TGFB2: variants seen among roughly 807,000 people sequenced by gnomAD.
TGFB2 encodes the protein transforming growth factor beta-2 proprotein.
TGFB2 carries 13 observed loss-of-function variants against 42.7 expected under a neutral mutation model. The observed-to-expected ratio is 0.30, with a 90% CI of 0.20 to 0.48. The LOEUF (loss-of-function observed/expected upper bound fraction) is 0.48, where lower values mean the gene tolerates loss of function less well. Among genes scored for constraint, TGFB2 ranks in the 20% least tolerant of loss-of-function variants. TGFB2 has a pLI of 0.99. For missense variants in TGFB2, 390 were observed against 517.5 expected, an observed-to-expected ratio of 0.75 and a Z score of 2.39; for synonymous variants, 193 against 193.6, an observed-to-expected ratio of 1.00 and a Z score of 0.03.
intron 1 of TGFB2, among the ~76,000 whole-genome samples, chr1:218,404,051 CAA>C (rs35450089): frequency 0.025 from 2,480 of 99,770 alleles, 52 homozygotes; most frequent in African/African-American, 0.078. Flanking sequence ...TGGCAGATTA[CAA>C]AAAAAAAAAA....
chr1:218,366,769 G>C (rs371998931), intron 1 of TGFB2, among the ~76,000 whole-genome samples: 1 of 152,170 alleles, frequency 6.6e-6, no homozygotes, highest in Non-Finnish European at 1.5e-5. Context: ...TGCTTCTGAC[G>C]TCACTAAAGT....
chr1:218,407,237 T>C (rs1039288085), intron 2 of TGFB2, among the ~76,000 whole-genome samples: 1 of 152,114 alleles, frequency 6.6e-6, no homozygotes, highest in African/African-American at 2.4e-5. Context: ...CTAACTCTAA[T>C]GTATTTTTCT....
At chr1:218,428,972 CTT>C (rs34950123) in intron 2 of TGFB2, among the ~76,000 whole-genome samples, 351 of 95,830 alleles carry the variant, frequency 3.7e-3, no homozygotes, top group East Asian at 9.0e-3. Context: ...CCATGAGCAT[CTT>C]TTTTTTTTTT....
intron 2 of TGFB2, among the ~76,000 whole-genome samples, chr1:218,430,654 G>T (rs566818221): frequency 1.3e-5 from 2 of 152,254 alleles, no homozygotes; most frequent in African/African-American, 4.8e-5. Context: ...GGTGATAAAT[G>T]GGAGATAAAC....
Position 218,436,079 on chromosome 1 carries a change from C to G in TGFB2, c.864C>G (p.Ser288=), listed in dbSNP as rs373646036. The G allele has an allele frequency of 6.2e-7, 1 of 1,614,136 alleles. No homozygotes were observed. Among genetic ancestry groups the G allele is most frequent in the Non-Finnish European group, 8.5e-7 (1 of 1,179,984 alleles). The change falls in exon 5 of 7, where the codon TCC becomes TCG. Residue 288 remains serine, a synonymous_variant. Transcript: ENST00000366930. ...TPHLLLMLLP[S]YRLESQQTNR... ...ATCTCCTGCTAATGTTATTGCCCTC[C>G]TACAGACTTGAGTCACAACAGACCA...
At chr1:218,405,591 A>T in intron 2 of TGFB2, 1 of 485,444 alleles carries the variant, frequency 2.1e-6, no homozygotes, top group Non-Finnish European at 3.7e-6. Flanking sequence ...CTGATCTGGA[A>T]CTCCTGGCCT....
At position 218,345,914 on chromosome 1, in the gene TGFB2, A is replaced by G. The variant is rs1656650131; in HGVS notation, c.-788A>G. Among the ~76,000 whole-genome samples the G allele has an allele frequency of 1.3e-5, 2 of 151,896 alleles. No homozygotes were observed. Among genetic ancestry groups the G allele is most frequent in the Non-Finnish European group, 2.9e-5 (2 of 67,964 alleles). ...GCGCGCGCCCGCCAGGGTGTAGGCCACGGAGCGCAGCTCCCAGAGCAGGAT... is the reference window on the plus strand; with the variant it reads ...GCGCGCGCCCGCCAGGGTGTAGGCCGCGGAGCGCAGCTCCCAGAGCAGGAT... On this transcript the variant is annotated 5_prime_UTR_variant, in exon 1 of 7. Transcript: ENST00000366930.
intron 2 of TGFB2, 32 bp from the exon 3 acceptor site, chr1:218,434,050 C>G (rs777209367): frequency 1.2e-6 from 2 of 1,610,272 alleles, no homozygotes; most frequent in Non-Finnish European, 1.7e-6. Flanking sequence ...AATGCCAACT[C>G]AGCCTTTTCT....
At chr1:218,396,878 AT>A (rs1375341354) in intron 1 of TGFB2, among the ~76,000 whole-genome samples, 1 of 152,214 alleles carries the variant, frequency 6.6e-6, no homozygotes, top group African/African-American at 2.4e-5. Context: ...ACTGCAAATC[AT>A]AGAGGAATCC....
rs1422039285 is a variant in TGFB2 at position 218,418,511 on chromosome 1, T to G, written c.510+13179T>G. Among the ~76,000 whole-genome samples the G allele has an allele frequency of 3.9e-5, 6 of 152,366 alleles. No homozygotes were observed. The East Asian group carries it at 1.2e-3, about 29-fold the overall frequency. The stretch of plus-strand genomic sequence containing the variant: ...CCTTGTCTCAGATGAGACTTTGTAC[T>G]GTGGACTTTTGAGTTAATGCTGAAA... On this transcript the variant is annotated intron_variant, in intron 2 of 6. Transcript: ENST00000366930.
intron 6 of TGFB2, among the ~76,000 whole-genome samples, chr1:218,438,539 A>G (rs1160362161): frequency 1.3e-5 from 2 of 152,196 alleles, no homozygotes; most frequent in Admixed American, 1.3e-4. Context: ...GAAGTACAAA[A>G]GATGATATAC....
chr1:218,368,291 C>A (rs565828778), intron 1 of TGFB2, among the ~76,000 whole-genome samples: 1 of 152,060 alleles, frequency 6.6e-6, no homozygotes, highest in Admixed American at 6.5e-5. Flanking sequence ...ATTACAGGCA[C>A]ACACCACCAC....
At position 218,444,604 on chromosome 1, in the gene TGFB2, A is replaced by T. The variant is rs544476957; in HGVS notation, c.*3242A>T. 6.6e-6 allele frequency: 1 copy of T among 152,246 alleles called. No individual in the cohort carries two copies. The highest frequency in any genetic ancestry group is 1.5e-5 in the Non-Finnish European group (1 of 68,034). 9.4% of individuals were successfully genotyped at this position (152,246 alleles called of 1,614,324 possible). A position where few individuals can be genotyped will look rare whatever the true frequency, so the allele number is the denominator to read the frequency against. ...CTTAATAAATAGGATTAATAAAAAA[A>T]GTAATTGTGACTCAATCTGGTTGTC... On this transcript the variant is annotated 3_prime_UTR_variant, in exon 7 of 7. Transcript: ENST00000366930.
intron 2 of TGFB2, among the ~76,000 whole-genome samples, chr1:218,429,225 C>A (rs1218040298): frequency 6.6e-6 from 1 of 152,160 alleles, no homozygotes; most frequent in Non-Finnish European, 1.5e-5. Context: ...AGGTAATCCA[C>A]CTGCCTTGGC....
chr1:218,364,633 A>G (rs1302447123), intron 1 of TGFB2, among the ~76,000 whole-genome samples: 1 of 152,202 alleles, frequency 6.6e-6, no homozygotes, highest in Non-Finnish European at 1.5e-5. Flanking sequence ...TTATTATCCT[A>G]GGAAAAGCCT....
At chr1:218,402,314 C>T (rs1296113676) in intron 1 of TGFB2, among the ~76,000 whole-genome samples, 1 of 152,176 alleles carries the variant, frequency 6.6e-6, no homozygotes, top group East Asian at 1.9e-4. Flanking sequence ...TTATAAGAGC[C>T]AGAGGGGAGG....
chr1:218,375,984 G>T (rs1310255785), intron 1 of TGFB2, among the ~76,000 whole-genome samples: 1 of 152,170 alleles, frequency 6.6e-6, no homozygotes, highest in East Asian at 1.9e-4. Flanking sequence ...TAGAATCAAA[G>T]GGAGGATTGG....
chr1:218,414,898 G>T (rs1659223813), intron 2 of TGFB2, among the ~76,000 whole-genome samples: 1 of 152,192 alleles, frequency 6.6e-6, no homozygotes, highest in African/African-American at 2.4e-5. Flanking sequence ...CCCAGGCCAG[G>T]CAGGTAGGAA....
chr1:218,422,165 GCCTT>G (rs752446528), intron 2 of TGFB2, among the ~76,000 whole-genome samples: 3 of 151,722 alleles, frequency 2.0e-5, no homozygotes, highest in South Asian at 2.1e-4. Flanking sequence ...AGAGGAGGAT[GCCTT>G]CCTTCCTTCC....
Sources: gnomAD v4.1 joint callset for allele counts (sites outside exome capture counted in the v4.1 genomes callset) on GRCh38, gnomAD v4.1.1 for gene constraint, MANE v1.5 for transcripts, NCBI Gene and HGNC (gene_info 2026-07-23, HGNC 2026-07-21) for gene names.